The following SPTBN1 variants were observed in gnomAD, a reference collection of about 807,000 sequenced individuals.
The protein encoded by SPTBN1 is spectrin beta, non-erythrocytic 1.
In SPTBN1, 32 loss-of-function variants were observed where a neutral mutation model predicts 266.4. The observed-to-expected ratio is 0.12, with a 90% confidence interval of 0.09 to 0.16. The LOEUF is 0.16. Among genes scored for constraint, SPTBN1 ranks in the 10% least tolerant of loss-of-function variants. The probability of loss-of-function intolerance (pLI) is 1.00; values close to 1 mark genes in which losing one functional copy is unlikely to be tolerated. For missense variants in SPTBN1, 2,296 were observed against 3,067.1 expected (o/e 0.75, Z 5.94); for synonymous variants, 1,336 against 1,162.2 (o/e 1.15, Z -3.04).
chr2:54,581,577 C>CTT (rs70944181), intron 2 of SPTBN1, among the ~76,000 whole-genome samples: 4,471 of 102,222 alleles, frequency 0.044, 224 homozygotes, highest in African/African-American at 0.1. Flanking sequence ...TTTCTTTGCC[C>CTT]TTTTTTTTTT....
In SPTBN1 at chr2:54,623,437, T is replaced by G. The variant is rs752180327; in HGVS notation, c.1065-42T>G. ...TAAAATGCATGACAGTGTGAAATTT[T>G]TTTTTCTCCAGTACCAAATGAATGT... On this transcript the variant is annotated intron_variant, in intron 9 of 35. Coordinates refer to ENST00000356805, the MANE Select transcript of SPTBN1 (RefSeq NM_003128.3). The G allele has an allele frequency of 3.2e-6, 5 of 1,578,542 alleles. No individual in the cohort carries two copies. The East Asian group carries it at 1.1e-4, about 35-fold the overall frequency.
At chr2:54,607,971 G>C (rs980067159) in intron 3 of SPTBN1, among the ~76,000 whole-genome samples, 2 of 152,132 alleles carry the variant, frequency 1.3e-5, no homozygotes, top group Admixed American at 1.3e-4. Flanking sequence ...GACGTTTTCC[G>C]TACAGCACAT....
intron 1 of SPTBN1, among the ~76,000 whole-genome samples, chr2:54,467,437 C>T (rs1478190398): frequency 1.3e-5 from 2 of 152,206 alleles, no homozygotes; most frequent in Admixed American, 6.5e-5. Context: ...TCTTATCCCC[C>T]AGGCTGGAGT....
At chr2:54,526,855 A>G in intron 2 of SPTBN1, 1 of 264,118 alleles carries the variant, frequency 3.8e-6, no homozygotes, top group Non-Finnish European at 7.2e-6. Context: ...CAAATCTTAC[A>G]TTCCAAAATA....
At chr2:54,647,327 C>G in intron 24 of SPTBN1, 66 bp downstream of exon 24, 1 of 1,570,260 alleles carries the variant, frequency 6.4e-7, no homozygotes, top group Non-Finnish European at 8.6e-7. Context: ...CTCTTGCTAA[C>G]CCCCACCAAA....
At chr2:54,656,914 C>T (rs1680706298) in intron 29 of SPTBN1, among the ~76,000 whole-genome samples, 1 of 152,212 alleles carries the variant, frequency 6.6e-6, no homozygotes, top group Non-Finnish European at 1.5e-5. Flanking sequence ...TATGCACAGT[C>T]CCTGCCTTGA....
chr2:54,619,287 G>A (rs1340489535), intron 7 of SPTBN1, among the ~76,000 whole-genome samples: 1 of 152,192 alleles, frequency 6.6e-6, no homozygotes, highest in African/African-American at 2.4e-5. Flanking sequence ...CCATTAAATG[G>A]TTTCTCAATA....
intron 1 of SPTBN1, among the ~76,000 whole-genome samples, chr2:54,472,084 G>T (rs1693957770): frequency 7.4e-6 from 1 of 135,294 alleles, no homozygotes; most frequent in African/African-American, 2.9e-5. Context: ...CCAGAGTGCA[G>T]TGGCGCGATC....
At chr2:54,627,645 T>G (rs1678443116) in intron 12 of SPTBN1, among the ~76,000 whole-genome samples, 2 of 152,358 alleles carry the variant, frequency 1.3e-5, no homozygotes, top group African/African-American at 4.8e-5. Flanking sequence ...AAAAGATTTC[T>G]TTCAACTTTG....
chr2:54,515,051 C>T (rs1025027572), intron 1 of SPTBN1, among the ~76,000 whole-genome samples: 1 of 152,174 alleles, frequency 6.6e-6, no homozygotes, highest in African/African-American at 2.4e-5. Context: ...ATCACTATTG[C>T]AAAACCTAAG....
intron 2 of SPTBN1, among the ~76,000 whole-genome samples, chr2:54,553,089 A>G (rs1672673059): frequency 6.6e-6 from 1 of 152,138 alleles, no homozygotes; most frequent in Admixed American, 6.5e-5. Context: ...GCTTCATATA[A>G]TTTCTTCTGT....
intron 5 of SPTBN1, 67 bp from the exon 6 acceptor site, chr2:54,617,541 C>T: frequency 6.7e-7 from 1 of 1,499,766 alleles, no homozygotes; most frequent in Non-Finnish European, 9.2e-7. Context: ...TAACAAAGCA[C>T]TTGGCAAAAG....
At chr2:54,473,478 C>G (rs1694028816) in intron 1 of SPTBN1, among the ~76,000 whole-genome samples, 2 of 150,680 alleles carry the variant, frequency 1.3e-5, no homozygotes, top group African/African-American at 4.9e-5. Context: ...TTTGCTTTTC[C>G]CTTTTATTGG....
intron 2 of SPTBN1, among the ~76,000 whole-genome samples, chr2:54,563,796 G>T (rs1480086042): frequency 6.6e-6 from 1 of 151,720 alleles, no homozygotes; most frequent in Non-Finnish European, 1.5e-5. Flanking sequence ...TAGAGATGGG[G>T]TTTCGCCATA....
At chr2:54,456,884 CGCG>C (rs1421119568) in intron 1 of SPTBN1, among the ~76,000 whole-genome samples, 4 of 151,488 alleles carry the variant, frequency 2.6e-5, no homozygotes. Context: ...TGCAGCCGGG[CGCG>C]GCGGCCCCTG....
chr2:54,614,435 C>T lies in SPTBN1; in HGVS notation c.475-1772C>T, dbSNP rs575931240. Among the ~76,000 whole-genome samples the T allele has an allele frequency of 8.5e-5, 13 of 152,176 alleles. No individual in the cohort carries two copies. The South Asian group carries it at 2.7e-3, about 32-fold the overall frequency. ...GCTCTCATTGCTACCAGGATATGGC[C>T]TACCCTATATGTGCATAGAAGTGTC... is the stretch of plus-strand genomic sequence containing the variant. On this transcript the variant is annotated intron_variant, in intron 4 of 35. Coordinates refer to ENST00000356805, the MANE Select transcript of SPTBN1 (RefSeq NM_003128.3).
chr2:54,473,397 A>G (rs956617059), intron 1 of SPTBN1, among the ~76,000 whole-genome samples: 2 of 152,200 alleles, frequency 1.3e-5, no homozygotes, highest in Non-Finnish European at 2.9e-5. Flanking sequence ...AATGAATTCT[A>G]TATGGCATTG....
intron 7 of SPTBN1, among the ~76,000 whole-genome samples, 156 bp from the exon 8 acceptor site, chr2:54,621,244 C>T (rs1007766865): frequency 6.6e-6 from 1 of 152,138 alleles, no homozygotes; most frequent in African/African-American, 2.4e-5. Context: ...CCCTCATTAT[C>T]CTTGTAATTA....
intron 2 of SPTBN1, among the ~76,000 whole-genome samples, chr2:54,582,563 C>CA (rs1208471911): frequency 0.084 from 6,412 of 76,212 alleles, 359 homozygotes; most frequent in African/African-American, 0.21. Context: ...GACTCCGTCT[C>CA]AAAAAAAAAA....
Sources: gnomAD v4.1 joint callset for allele counts (sites outside exome capture counted in the v4.1 genomes callset) on GRCh38, gnomAD v4.1.1 for gene constraint, MANE v1.5 for transcripts, NCBI Gene and HGNC (gene_info 2026-07-23, HGNC 2026-07-21) for gene names.